The following ARF1 variants were observed in gnomAD, a reference collection of about 807,000 sequenced individuals.
The protein encoded by ARF1 is ARF GTPase 1, also known as ADP-ribosylation factor 1.
A neutral mutation model predicts 18.0 loss-of-function variants in ARF1; 1 was observed. The ratio of observed to expected loss-of-function variants is 0.06; its 90% confidence interval spans 0.02 to 0.26. ARF1 has a LOEUF of 0.26. Ranked by LOEUF, ARF1 falls within the 10% of genes least tolerant of loss-of-function variation. The probability of loss-of-function intolerance (pLI) is 1.00; values close to 1 mark genes in which losing one functional copy is unlikely to be tolerated. For missense variants in ARF1, 73 were observed against 247.2 expected, an observed-to-expected ratio of 0.30 and a Z score of 4.73; for synonymous variants, 112 against 96.3, an observed-to-expected ratio of 1.16 and a Z score of -0.95.
At chr1:228,087,353 C>A (rs150674534) in intron 1 of ARF1, among the ~76,000 whole-genome samples, 1 of 152,320 alleles carries the variant, frequency 6.6e-6, no homozygotes, top group African/African-American at 2.4e-5. Flanking sequence ...TTAGATGTGC[C>A]TGTGCTTTGT....
chr1:228,096,965 C>A, intron 1 of ARF1, 113 bp from the exon 2 acceptor site: 1 of 995,638 alleles, frequency 1.0e-6, no homozygotes, highest in Non-Finnish European at 1.4e-6. Context: ...CCCTGTTTCC[C>A]TGCAGGCTTC....
At chr1:228,091,732 TG>T (rs1227913682) in intron 1 of ARF1, among the ~76,000 whole-genome samples, 2 of 152,130 alleles carry the variant, frequency 1.3e-5, no homozygotes, top group Non-Finnish European at 2.9e-5. Context: ...AGTGACAAAA[TG>T]TAATGCAGTG....
chr1:228,097,828 C>G lies in ARF1; in HGVS notation c.385-24C>G. The G allele has an allele frequency of 1.2e-6, 2 of 1,608,026 alleles. No individual in the cohort carries two copies. The highest frequency in any genetic ancestry group is 1.7e-6 in the Non-Finnish European group (2 of 1,176,256). Reference sequence around the variant, plus strand: ...TTTCTCTGTCCTGTGGACAGCCCTTCCCACCAACCCTTCCTTCCCCCAGGA... The same window carrying G: ...TTTCTCTGTCCTGTGGACAGCCCTTGCCACCAACCCTTCCTTCCCCCAGGA... On this transcript the variant is annotated intron_variant, in intron 4 of 4. Transcript: ENST00000272102. This position sits in a 1 kb window ranked among gnomAD's most constrained non-coding sequence, Gnocchi z 8.1.
chr1:228,094,887 G>A (rs1055711917), intron 1 of ARF1, among the ~76,000 whole-genome samples: 4 of 152,150 alleles, frequency 2.6e-5, no homozygotes, highest in Non-Finnish European at 4.4e-5. Context: ...AGTCCACCTT[G>A]CACCTTTATT....
intron 1 of ARF1, among the ~76,000 whole-genome samples, chr1:228,083,997 T>TG (rs1226855080): frequency 6.6e-6 from 1 of 152,208 alleles, no homozygotes; most frequent in Non-Finnish European, 1.5e-5. Context: ...TAGTTCTTGT[T>TG]TCAGAACTAG....
At chr1:228,095,347 C>G (rs915296207) in intron 1 of ARF1, among the ~76,000 whole-genome samples, 1 of 151,824 alleles carries the variant, frequency 6.6e-6, no homozygotes, top group Non-Finnish European at 1.5e-5. Context: ...ATAGAACTCT[C>G]AGGAATTATT....
At chr1:228,087,301 G>A (rs2124844350) in intron 1 of ARF1, among the ~76,000 whole-genome samples, 1 of 152,318 alleles carries the variant, frequency 6.6e-6, no homozygotes, top group South Asian at 2.1e-4. Flanking sequence ...TGGCCAAGAA[G>A]CTATCATCTA....
intron 1 of ARF1, among the ~76,000 whole-genome samples, chr1:228,092,500 G>A (rs894549360): frequency 2.6e-5 from 4 of 152,220 alleles, no homozygotes; most frequent in African/African-American, 9.6e-5. Context: ...AGCACATCAT[G>A]TGAGCCCCAT....
chr1:228,096,534 C>G (rs1358792182), intron 1 of ARF1: 1 of 152,594 alleles, frequency 6.6e-6, no homozygotes, highest in Non-Finnish European at 1.5e-5. Context: ...ATTGCTGTCC[C>G]CGATATTTGT....
chr1:228,094,720 G>C (rs1348595177), intron 1 of ARF1, among the ~76,000 whole-genome samples: 10 of 152,184 alleles, frequency 6.6e-5, no homozygotes, highest in Non-Finnish European at 1.5e-4. Flanking sequence ...GCATGTGAGA[G>C]ATCTGAGGCC....
At position 228,098,924 on chromosome 1, in the gene ARF1, CCT is replaced by C. The variant is rs1318635156; in HGVS notation, c.*914_*915del. 1 of 152,652 alleles carries C rather than the reference CCT, an allele frequency of 6.6e-6. No homozygotes were observed. Among genetic ancestry groups the C allele is most frequent in the African/African-American group, 2.4e-5 (1 of 41,456 alleles). 9.5% of individuals were successfully genotyped at this position (152,652 alleles called of 1,614,324 possible). On this transcript the variant is annotated 3_prime_UTR_variant, in exon 5 of 5. Coordinates refer to ENST00000272102, the MANE Select transcript of ARF1 (RefSeq NM_001658.4). ...CCCACAGCCCCTCGGGAGCACCCCACCTCTGTGTGTGATGTAGCTTTCTCTCC... is the reference window on the plus strand; with the variant it reads ...CCCACAGCCCCTCGGGAGCACCCCACCTGTGTGTGATGTAGCTTTCTCTCC...
rs985856520 is a variant in ARF1, at chr1:228,089,320, C to T, written c.-38+6555C>T. ...TTTCTCTCACCTAGGTCTGGAGTGC[C>T]TCCAGAAGCGAGGATTTCCTGCAAG... On this transcript the variant is annotated intron_variant, in intron 1 of 4. Coordinates refer to ENST00000272102, the MANE Select transcript of ARF1 (RefSeq NM_001658.4). The surrounding 1 kb of genome is among the most constrained non-coding windows in gnomAD (Gnocchi z 4.1). Among the ~76,000 whole-genome samples the T allele has an allele frequency of 6.6e-6, 1 of 152,134 alleles. No individual in the cohort carries two copies. The highest frequency in any genetic ancestry group is 1.5e-5 in the Non-Finnish European group (1 of 68,024).
At position 228,097,505 on chromosome 1, in the gene ARF1, G is replaced by A. The variant is rs2032791296; in HGVS notation, c.259+53G>A. 2 of 1,613,598 alleles carry A rather than the reference G, an allele frequency of 1.2e-6. No homozygotes were observed. Among genetic ancestry groups the A allele is most frequent in the South Asian group, 2.2e-5 (2 of 91,022 alleles). On this transcript the variant is annotated intron_variant, in intron 3 of 4. Transcript: ENST00000272102. The surrounding 1 kb of genome is among the most constrained non-coding windows in gnomAD (Gnocchi z 8.1). ...GCACTCCTGCTTCTAGAGAGGGGGG[G>A]CCAGCCCATAGATGGGGCATCGATG...
rs952976361 is a variant in ARF1, at chr1:228,097,915, C to G, written c.448C>G (p.His150Asp). 2 of 1,614,062 alleles carry G rather than the reference C, an allele frequency of 1.2e-6. No homozygotes were observed. The highest frequency in any genetic ancestry group is 1.7e-6 in the Non-Finnish European group (2 of 1,180,042). Residue 150 changes from histidine to aspartate, a missense_variant, in exon 5 of 5, where the codon CAC (histidine) becomes GAC (aspartate). Coordinates refer to ENST00000272102, the MANE Select transcript of ARF1 (RefSeq NM_001658.4). The surrounding 1 kb of genome is among the most constrained non-coding windows in gnomAD (Gnocchi z 8.1). ...CAAGCTGGGGCTGCACTCACTACGC[C>G]ACAGGAACTGGTACATTCAGGCCAC... ...TDKLGLHSLR[H>D]RNWYIQATCA...
chr1:228,082,893 AGGGCC>A lies in ARF1; in HGVS notation c.-38+137_-38+141del. On this transcript the variant is annotated intron_variant, in intron 1 of 4. Coordinates refer to ENST00000272102, the MANE Select transcript of ARF1 (RefSeq NM_001658.4). This position sits in a 1 kb window ranked among gnomAD's most constrained non-coding sequence, Gnocchi z 6.1. ...CGACCCCCGCGGCGGCGGCGGCGAC[AGGGCC>A]GGGCCGGGGGCGGACGCAGACGGGC... 6.7e-6 allele frequency: 1 copy of A among 149,114 alleles called. No individual in the cohort carries two copies. The highest frequency in any genetic ancestry group is 1.5e-5 in the Non-Finnish European group (1 of 66,622). The allele number at this position is 149,114 out of a possible 1,614,324, so 9.2% of individuals were successfully genotyped here. A position where few individuals can be genotyped will look rare whatever the true frequency, so the allele number is the denominator to read the frequency against.
intron 1 of ARF1, among the ~76,000 whole-genome samples, chr1:228,094,966 C>T (rs999581987): frequency 2.6e-5 from 4 of 152,144 alleles, no homozygotes; most frequent in African/African-American, 9.7e-5. Flanking sequence ...CCTGGGTCCC[C>T]ACTCTGGAAC....
At position 228,084,513 on chromosome 1, in the gene ARF1, ATGAC is replaced by A. The variant is rs2032332710; in HGVS notation, c.-38+1751_-38+1754del. On this transcript the variant is annotated intron_variant, in intron 1 of 4. Coordinates refer to ENST00000272102, the MANE Select transcript of ARF1 (RefSeq NM_001658.4). ...GTTTGGACAACAGCTGAGTCACACA[ATGAC>A]TGTGAGTGAAAAGCAAAAACTGGTT... Among the ~76,000 whole-genome samples the A allele has an allele frequency of 2.0e-5, 3 of 152,238 alleles. No individual in the cohort carries two copies. In the South Asian group the frequency reaches 6.2e-4, roughly 31 times the overall value.
intron 1 of ARF1, among the ~76,000 whole-genome samples, chr1:228,085,792 T>C (rs959077111): frequency 6.6e-6 from 1 of 152,234 alleles, no homozygotes; most frequent in Non-Finnish European, 1.5e-5. Context: ...GTGTACAGCA[T>C]GAAGTGGACA....
rs555300200 is a variant in ARF1 at position 228,086,440 on chromosome 1, C to G, written c.-38+3675C>G. On this transcript the variant is annotated intron_variant, in intron 1 of 4. Coordinates refer to ENST00000272102, the MANE Select transcript of ARF1 (RefSeq NM_001658.4). ...CTGGGGCAGGAGAATGGCGTGAACC[C>G]GGGAGGTGGAGCTTGCAGGGAGCAG... Among the ~76,000 whole-genome samples the G allele has an allele frequency of 3.8e-4, 57 of 151,384 alleles. 1 individual carries two copies. The South Asian group carries it at 0.01, about 27-fold the overall frequency.
Sources: gnomAD v4.1 joint callset for allele counts (sites outside exome capture counted in the v4.1 genomes callset) on GRCh38, gnomAD v4.1.1 for gene constraint, Gnocchi (gnomAD v3.1) non-coding constraint, MANE v1.5 for transcripts, NCBI Gene and HGNC (gene_info 2026-07-23, HGNC 2026-07-21) for gene names.